SCYL2: variants seen among roughly 807,000 people sequenced by gnomAD.
SCYL2 encodes the protein SCY1 like pseudokinase 2.
In SCYL2, 36 loss-of-function variants were observed where a neutral mutation model predicts 100.4. The ratio of observed to expected loss-of-function variants is 0.36; its 90% CI spans 0.27 to 0.47. The LOEUF (loss-of-function observed/expected upper bound fraction) is 0.47. Among genes scored for constraint, SCYL2 ranks in the 20% least tolerant of loss-of-function variants. SCYL2 has a pLI of 1.00. For synonymous variants in SCYL2, 330 were observed against 359.2 expected, an observed-to-expected ratio of 0.92 and a Z score of 0.92; for missense variants, 902 against 1,083.9, an observed-to-expected ratio of 0.83 and a Z score of 2.36.
chr12:100,274,540 T>C (rs898642644), intron 1 of SCYL2, among the ~76,000 whole-genome samples: 1 of 152,174 alleles, frequency 6.6e-6, no homozygotes, highest in Non-Finnish European at 1.5e-5. Flanking sequence ...CAGCCTCCTT[T>C]AGTATTTCTT....
chr12:100,275,655 G>A (rs1463211046), intron 1 of SCYL2, among the ~76,000 whole-genome samples: 3 of 152,116 alleles, frequency 2.0e-5, no homozygotes, highest in Non-Finnish European at 2.9e-5. Context: ...TTTGCAGTCC[G>A]AATGCCTTTT....
intron 3 of SCYL2, among the ~76,000 whole-genome samples, chr12:100,294,982 G>A (rs1227807055): frequency 3.3e-5 from 5 of 151,554 alleles, no homozygotes; most frequent in African/African-American, 9.7e-5. Flanking sequence ...CTTCTCAGAC[G>A]GGGTGGCCGG....
At chr12:100,335,442 AC>A in intron 14 of SCYL2, 182 bp from the exon 15 acceptor site, 1 of 523,636 alleles carries the variant, frequency 1.9e-6, no homozygotes, top group Non-Finnish European at 3.4e-6. Flanking sequence ...AAATGGACTT[AC>A]ATACAAATGT....
chr12:100,302,033 G>T (rs1592946867), intron 4 of SCYL2, among the ~76,000 whole-genome samples: 1 of 152,180 alleles, frequency 6.6e-6, no homozygotes, highest in Non-Finnish European at 1.5e-5. Flanking sequence ...TTTGGCCTAG[G>T]TGTGTCTAGA....
rs1250976469 is a variant in SCYL2 at position 100,334,179 on chromosome 12, T to C, written c.1775T>C (p.Ile592Thr). The C allele has an allele frequency of 6.3e-7, 1 of 1,594,164 alleles. No homozygotes were observed. Among genetic ancestry groups the C allele is most frequent in the South Asian group, 1.1e-5 (1 of 90,600 alleles). ...NLNLNQFNSF[I>T]SVIKEMLNRL... The stretch of plus-strand genomic sequence containing the variant: ...TCATTATACCAGTTCAATTCTTTCA[T>C]TTCCGTCATAAAAGAAATGCTTAAT... The change falls in exon 14 of 18, where the codon ATT becomes ACT. Residue 592 changes from isoleucine (I) to threonine (T), a missense_variant. Coordinates refer to ENST00000360820, the MANE Select transcript of SCYL2 (RefSeq NM_017988.6).
rs1186733725 is a variant in SCYL2 at position 100,267,199 on chromosome 12, T to C, written c.-622T>C. 9 of 1,067,204 alleles carry C rather than the reference T, an allele frequency of 8.4e-6. No individual in the cohort carries two copies. The highest frequency in any genetic ancestry group is 4.8e-5 in the South Asian group (3 of 63,116). 66.1% of individuals were successfully genotyped at this position (1,067,204 alleles called of 1,614,324 possible). ...TTTAGTCTTTTTCCCCCTCCCTTAC[T>C]CTTCGTCCCCGGTCCCTCCCCTCCC... On this transcript the variant is annotated 5_prime_UTR_variant, in exon 1 of 18. Transcript: ENST00000360820.
Position 100,339,180 on chromosome 12 carries a change from T to A in SCYL2, c.*8T>A. ...AAAGATCTTTTTGGGTGAGGTGTCT[T>A]ACTTCTATTTTGAAGGATTATTTCA... On this transcript the variant is annotated 3_prime_UTR_variant, in exon 18 of 18. Coordinates refer to ENST00000360820, the MANE Select transcript of SCYL2 (RefSeq NM_017988.6). The A allele has an allele frequency of 6.2e-7, 1 of 1,605,234 alleles. No homozygotes were observed. Among genetic ancestry groups the A allele is most frequent in the South Asian group, 1.1e-5 (1 of 89,674 alleles).
intron 9 of SCYL2, 147 bp from the exon 10 acceptor site, chr12:100,317,656 G>A (rs890549959): frequency 2.1e-5 from 30 of 1,405,502 alleles, no homozygotes; most frequent in Non-Finnish European, 2.5e-5. Context: ...CTTGATTTGT[G>A]TGTTTTTGTC....
At chr12:100,277,661 C>G (rs1322198075) in intron 1 of SCYL2, among the ~76,000 whole-genome samples, 1 of 152,232 alleles carries the variant, frequency 6.6e-6, no homozygotes, top group South Asian at 2.1e-4. Flanking sequence ...ATTTGATAAT[C>G]TCTGCCTTGT....
At chr12:100,303,588 G>C (rs187541043) in intron 4 of SCYL2, among the ~76,000 whole-genome samples, 1 of 152,182 alleles carries the variant, frequency 6.6e-6, no homozygotes, top group Admixed American at 6.5e-5. Context: ...ACCAGCGGAC[G>C]CTGCAGAACA....
At chr12:100,334,125 A>G (rs1018389433) in intron 13 of SCYL2, 41 bp from the exon 14 acceptor site, 2 of 1,144,072 alleles carry the variant, frequency 1.7e-6, no homozygotes, top group African/African-American at 1.5e-5. Context: ...TTTGCTGCTA[A>G]CTTGAAACAT....
At chr12:100,281,076 G>A (rs988532974) in intron 1 of SCYL2, among the ~76,000 whole-genome samples, 5 of 138,132 alleles carry the variant, frequency 3.6e-5, no homozygotes, top group Non-Finnish European at 6.1e-5. Context: ...TCACCCAGGC[G>A]GGAGTGCAGT....
intron 2 of SCYL2, 84 bp from the exon 3 acceptor site, chr12:100,291,419 T>A: frequency 1.1e-6 from 1 of 910,648 alleles, no homozygotes. Flanking sequence ...TTTTATGGCA[T>A]AGTTATTTGT....
At position 100,337,443 on chromosome 12, in the gene SCYL2, G is replaced by A. The variant is rs1486692403; in HGVS notation, c.2082G>A (p.Gln694=). Residue 694 remains glutamine (Q), a synonymous_variant, in exon 17 of 18, where the codon CAG becomes CAA. Transcript: ENST00000360820. ...TAGCAAAAGAACAAGAGCAGGCACA[G>A]AAGCTGAAAAGCCAGCAGCCTCTTA... ...QKLAKEQEQA[Q]KLKSQQPLKP... is the part of the protein sequence containing the mutation. 4 of 1,612,216 alleles carry A rather than the reference G, an allele frequency of 2.5e-6. No individual in the cohort carries two copies. The highest frequency in any genetic ancestry group is 3.4e-6 in the Non-Finnish European group (4 of 1,179,428).
Position 100,334,088 on chromosome 12 carries a change from T to G in SCYL2, c.1762-78T>G. 3 of 834,882 alleles carry G rather than the reference T, an allele frequency of 3.6e-6. No homozygotes were observed. In the South Asian group the frequency reaches 4.3e-5, roughly 12 times the overall value. The allele number at this position is 834,882 out of a possible 1,614,324, so 51.7% of individuals were successfully genotyped here. A position where few individuals can be genotyped will look rare whatever the true frequency, so the allele number is the denominator to read the frequency against. ...TAAAAATGGAGAATATTATGATTAA[T>G]TTACTGAATTATCTTAATTGATTAC... On this transcript the variant is annotated intron_variant, in intron 13 of 17. Coordinates refer to ENST00000360820, the MANE Select transcript of SCYL2 (RefSeq NM_017988.6).
At chr12:100,296,449 G>A (rs2096320668) in intron 3 of SCYL2, among the ~76,000 whole-genome samples, 1 of 152,044 alleles carries the variant, frequency 6.6e-6, no homozygotes, top group Non-Finnish European at 1.5e-5. Context: ...AGAGTACTGA[G>A]GAAAGAACCT....
intron 1 of SCYL2, among the ~76,000 whole-genome samples, chr12:100,276,090 G>T (rs73374465): frequency 1.3e-3 from 203 of 152,222 alleles, no homozygotes; most frequent in African/African-American, 4.7e-3. Flanking sequence ...GAGGGACATT[G>T]GTTTGCAATT....
At chr12:100,294,661 C>G (rs1247717342) in intron 3 of SCYL2, among the ~76,000 whole-genome samples, 2 of 137,700 alleles carry the variant, frequency 1.5e-5, no homozygotes, top group Non-Finnish European at 3.2e-5. Context: ...AGAGGCACCC[C>G]TCACCTCCCG....
chr12:100,274,619 CT>C (rs2096290833), intron 1 of SCYL2, among the ~76,000 whole-genome samples: 1 of 152,276 alleles, frequency 6.6e-6, no homozygotes, highest in African/African-American at 2.4e-5. Context: ...TTGCATCCCC[CT>C]CCTCCCACAA....
Sources: allele counts gnomAD v4.1 joint callset (sites outside exome capture counted in the v4.1 genomes callset), GRCh38; gene constraint gnomAD v4.1.1; transcripts MANE v1.5; gene names NCBI Gene and HGNC (gene_info 2026-07-23, HGNC 2026-07-21).